DLG2: variants seen among roughly 807,000 people sequenced by gnomAD.
The protein encoded by DLG2 is discs large MAGUK scaffold protein 2.
A neutral mutation model predicts 132.5 loss-of-function variants in DLG2; 45 were observed. The ratio of observed to expected loss-of-function variants is 0.34; its 90% CI spans 0.27 to 0.44. The LOEUF is 0.44. Among genes scored for constraint, DLG2 ranks in the 20% least tolerant of loss-of-function variants. The pLI, the probability that DLG2 is intolerant of heterozygous loss-of-function variation, is 1.00. For missense variants in DLG2, 1,045 were observed against 1,196.9 expected, an observed-to-expected ratio of 0.87 and a Z score of 1.87; for synonymous variants, 424 against 419.6, an observed-to-expected ratio of 1.01 and a Z score of -0.13.
intron 10 of DLG2, among the ~76,000 whole-genome samples, chr11:84,083,393 C>T (rs2096930916): frequency 6.6e-6 from 1 of 152,194 alleles, no homozygotes; most frequent in African/African-American, 2.4e-5. Flanking sequence ...ACTACCACCA[C>T]AAAACCTAAT....
rs894109397 is a variant in DLG2, at chr11:83,455,341, T to A, written c.*4477A>T. On this transcript the variant is annotated 3_prime_UTR_variant, in exon 28 of 28. Coordinates refer to ENST00000376104, the MANE Select transcript of DLG2 (RefSeq NM_001142699.3). ...TGTGCTACAGCTCGGTGGAGAAACA[T>A]CCTGTCAGAGAGAAGCACAAAACTG... 1.7e-4 allele frequency: 26 copies of A among 152,480 alleles called. No homozygotes were observed. The highest frequency in any genetic ancestry group is 1.4e-3 in the Admixed American group (22 of 15,268). The allele number at this position is 152,480 out of a possible 1,614,324, so 9.4% of individuals were successfully genotyped here. A position where few individuals can be genotyped will look rare whatever the true frequency, so the allele number is the denominator to read the frequency against.
chr11:85,003,900 G>A (rs916974125), intron 6 of DLG2, among the ~76,000 whole-genome samples: 25 of 152,080 alleles, frequency 1.6e-4, no homozygotes, highest in Non-Finnish European at 5.9e-5. Flanking sequence ...GCTCTGATGT[G>A]TGATGTTCTC....
At chr11:84,038,952 C>T (rs1282101064) in intron 11 of DLG2, among the ~76,000 whole-genome samples, 2 of 152,030 alleles carry the variant, frequency 1.3e-5, no homozygotes, top group Non-Finnish European at 2.9e-5. Flanking sequence ...GGTAACTTCC[C>T]TCATGATTCA....
At chr11:85,624,601 A>C (rs967212546) in intron 2 of DLG2, among the ~76,000 whole-genome samples, 4 of 152,204 alleles carry the variant, frequency 2.6e-5, no homozygotes, top group African/African-American at 9.7e-5. Flanking sequence ...AACAGTAGAG[A>C]TAGTAAGCAT....
chr11:84,926,946 T>C (rs1333205443), intron 6 of DLG2, among the ~76,000 whole-genome samples: 1 of 152,038 alleles, frequency 6.6e-6, no homozygotes, highest in Non-Finnish European at 1.5e-5. Flanking sequence ...TGTGTATGTA[T>C]GTTTTTCTTA....
intron 18 of DLG2, among the ~76,000 whole-genome samples, chr11:83,772,237 G>A (rs774898221): frequency 2.6e-5 from 4 of 151,804 alleles, no homozygotes; most frequent in Non-Finnish European, 5.9e-5. Context: ...GTGAAACCCC[G>A]TTGCTACCAA....
intron 6 of DLG2, among the ~76,000 whole-genome samples, chr11:85,039,709 A>G (rs939101144): frequency 3.6e-4 from 55 of 152,078 alleles, no homozygotes; most frequent in African/African-American, 1.3e-3. Context: ...ATGGATAAAA[A>G]AAAAGTACAA....
intron 7 of DLG2, among the ~76,000 whole-genome samples, chr11:84,320,630 C>A (rs59180667): frequency 1.7e-4 from 26 of 152,208 alleles, no homozygotes; most frequent in East Asian, 1.4e-3. Flanking sequence ...GCCAGGAATA[C>A]GTAAAGTATT....
chr11:83,682,527 C>T (rs1463657499), intron 18 of DLG2: 13 of 839,484 alleles, frequency 1.5e-5, no homozygotes, highest in African/African-American at 1.8e-5. Flanking sequence ...ATCCTCTGCT[C>T]GTGTTCCCCT....
intron 3 of DLG2, among the ~76,000 whole-genome samples, chr11:85,318,600 AG>A (rs772263170): frequency 2.0e-5 from 3 of 151,850 alleles, no homozygotes; most frequent in Non-Finnish European, 2.9e-5. Flanking sequence ...ATGTAAGGGA[AG>A]GGAAAGGGAA....
At chr11:85,546,777 G>GCC (rs1373393939) in intron 3 of DLG2, among the ~76,000 whole-genome samples, 1 of 1,320 alleles carries the variant, frequency 7.6e-4, no homozygotes, top group Non-Finnish European at 1.8e-3. Flanking sequence ...ATCTTTGTTG[G>GCC]TTTAAAGTCT....
intron 18 of DLG2, among the ~76,000 whole-genome samples, chr11:83,726,878 AC>A (rs2090110649): frequency 2.0e-5 from 3 of 152,150 alleles, no homozygotes; most frequent in Admixed American, 6.5e-5. Flanking sequence ...GACAATAATG[AC>A]CCCTTCAGAT....
intron 6 of DLG2, among the ~76,000 whole-genome samples, chr11:84,661,656 T>C (rs1456796339): frequency 6.6e-6 from 1 of 152,138 alleles, no homozygotes; most frequent in Non-Finnish European, 1.5e-5. Flanking sequence ...ATCTGTCTCT[T>C]TGAGTTCCTC....
chr11:83,812,700 G>A (rs1252400040), intron 17 of DLG2, among the ~76,000 whole-genome samples: 1 of 152,166 alleles, frequency 6.6e-6, no homozygotes, highest in Admixed American at 6.5e-5. Flanking sequence ...CAACCTCAGT[G>A]TGAACTCCTT....
intron 3 of DLG2, among the ~76,000 whole-genome samples, chr11:85,382,784 A>C (rs1158499113): frequency 6.6e-6 from 1 of 152,136 alleles, no homozygotes; most frequent in East Asian, 1.9e-4. Flanking sequence ...CAAAACCACA[A>C]TGAGATAGCA....
At chr11:84,979,012 C>T (rs760790357) in intron 6 of DLG2, among the ~76,000 whole-genome samples, 3 of 152,130 alleles carry the variant, frequency 2.0e-5, no homozygotes, top group Non-Finnish European at 2.9e-5. Context: ...TATGAACAGA[C>T]ACTTCTCAAA....
At chr11:83,587,127 T>C (rs2097099345) in intron 19 of DLG2, among the ~76,000 whole-genome samples, 1 of 152,246 alleles carries the variant, frequency 6.6e-6, no homozygotes, top group Non-Finnish European at 1.5e-5. Flanking sequence ...TTCCAGAATG[T>C]AGTTCCTATT....
At chr11:84,042,346 T>C (rs1170599990) in intron 11 of DLG2, among the ~76,000 whole-genome samples, 2 of 151,856 alleles carry the variant, frequency 1.3e-5, no homozygotes, top group Non-Finnish European at 2.9e-5. Flanking sequence ...TAATAAATGG[T>C]AAGCCTGGAT....
intron 6 of DLG2, among the ~76,000 whole-genome samples, chr11:84,624,029 T>C (rs1211201662): frequency 6.6e-6 from 1 of 152,206 alleles, no homozygotes; most frequent in Admixed American, 6.5e-5. Flanking sequence ...ACTGAGATGC[T>C]TACTAGAATA....
Sources: gnomAD v4.1 joint callset for allele counts (sites outside exome capture counted in the v4.1 genomes callset) on GRCh38, gnomAD v4.1.1 for gene constraint, MANE v1.5 for transcripts, NCBI Gene and HGNC (gene_info 2026-07-23, HGNC 2026-07-21) for gene names.